The following NFYC variants were observed in gnomAD, a reference collection of about 807,000 sequenced individuals.
The protein encoded by NFYC is nuclear transcription factor Y subunit gamma.
A neutral mutation model predicts 53.1 loss-of-function variants in NFYC; 25 were observed. That is an observed-to-expected ratio of 0.47 (90% CI 0.34 to 0.66). NFYC has a LOEUF of 0.66. Ranked by LOEUF, NFYC falls within the 30% of genes least tolerant of loss-of-function variation. The pLI is 0.01. For synonymous variants in NFYC, 145 were observed against 152.6 expected (o/e 0.95, Z 0.37); for missense variants, 260 against 422.7 (o/e 0.62, Z 3.38).
chr1:40,735,968 G>A (rs901865331), intron 1 of NFYC, among the ~76,000 whole-genome samples: 22 of 152,286 alleles, frequency 1.4e-4, no homozygotes, highest in African/African-American at 5.1e-4. Flanking sequence ...TATAGGCCAT[G>A]TGTATGTGGT....
chr1:40,698,037 T>C (rs972763948), intron 1 of NFYC, among the ~76,000 whole-genome samples: 1 of 152,216 alleles, frequency 6.6e-6, no homozygotes, highest in Non-Finnish European at 1.5e-5. Flanking sequence ...TTTGAATGTT[T>C]CCAGTAGAAT....
intron 1 of NFYC, among the ~76,000 whole-genome samples, chr1:40,733,566 T>G (rs1295803587): frequency 6.6e-6 from 1 of 151,514 alleles, no homozygotes; most frequent in East Asian, 2.0e-4. Context: ...TTCTTGTATT[T>G]TTTATTATTA....
In NFYC at chr1:40,706,408, T is replaced by C. The variant is rs143910360; in HGVS notation, c.-9+14541T>C. On this transcript the variant is annotated intron_variant, in intron 1 of 9. Transcript: ENST00000447388. ...TGAGTGGAATGTAGAGAAGTTAATA[T>C]GGCAGAGTGATAGGGCAGACCACCT... Among the ~76,000 whole-genome samples, 325 of 152,246 alleles carry C rather than the reference T, an allele frequency of 2.1e-3. 1 individual carries two copies. Among genetic ancestry groups the C allele is most frequent in the Admixed American group, 5.6e-3 (86 of 15,286 alleles).
chr1:40,753,823 G>C (rs953304026), intron 5 of NFYC, among the ~76,000 whole-genome samples: 1 of 152,152 alleles, frequency 6.6e-6, no homozygotes, highest in Non-Finnish European at 1.5e-5. Flanking sequence ...TGCTTTTAAT[G>C]TGCAGTCAGA....
At chr1:40,704,176 G>T (rs926494966) in intron 1 of NFYC, among the ~76,000 whole-genome samples, 2 of 151,632 alleles carry the variant, frequency 1.3e-5, no homozygotes, top group Non-Finnish European at 2.9e-5. Context: ...GGTTCAAGCA[G>T]TTCCCCTGCT....
intron 2 of NFYC, among the ~76,000 whole-genome samples, chr1:40,739,302 A>G (rs963898708): frequency 6.6e-6 from 1 of 152,214 alleles, no homozygotes; most frequent in Non-Finnish European, 1.5e-5. Flanking sequence ...TGGCCCTACG[A>G]CATTTCTAGA....
At chr1:40,710,603 C>G (rs1570360195) in intron 1 of NFYC, among the ~76,000 whole-genome samples, 1 of 152,290 alleles carries the variant, frequency 6.6e-6, no homozygotes, top group East Asian at 1.9e-4. Flanking sequence ...TGGAACATTT[C>G]TGCAGCAGAC....
intron 3 of NFYC, among the ~76,000 whole-genome samples, chr1:40,748,289 G>A (rs551042248): frequency 6.6e-6 from 1 of 151,910 alleles, no homozygotes; most frequent in Admixed American, 6.6e-5. Flanking sequence ...GTGCCATCAT[G>A]TCTGGCTTAA....
chr1:40,737,127 CAAAAAAAAAAA>C (rs1161900883), intron 1 of NFYC, among the ~76,000 whole-genome samples: 1 of 88,808 alleles, frequency 1.1e-5, no homozygotes, highest in South Asian at 3.9e-4. Context: ...AACTCTGTCT[CAAAAAAAAAAA>C]AAAAAAAAAA....
intron 1 of NFYC, among the ~76,000 whole-genome samples, chr1:40,737,927 G>C (rs928812243): frequency 1.4e-5 from 2 of 144,516 alleles, no homozygotes; most frequent in African/African-American, 2.6e-5. Context: ...TTTTGAGACG[G>C]AGTCTCGCTC....
intron 1 of NFYC, among the ~76,000 whole-genome samples, chr1:40,706,457 G>A (rs1643696556): frequency 6.6e-6 from 1 of 152,200 alleles, no homozygotes; most frequent in East Asian, 1.9e-4. Context: ...GGTCCCTGCT[G>A]AATCTCTGCA....
intron 2 of NFYC, 138 bp from the exon 3 acceptor site, chr1:40,747,396 C>T: frequency 1.7e-6 from 1 of 574,384 alleles, no homozygotes. Flanking sequence ...GTATTTTCTT[C>T]ATTTCATCTG....
intron 1 of NFYC, among the ~76,000 whole-genome samples, chr1:40,699,415 AGAG>A (rs1643322946): frequency 6.6e-6 from 1 of 152,170 alleles, no homozygotes; most frequent in Admixed American, 6.5e-5. Flanking sequence ...TCCTTTTAAA[AGAG>A]AAGAGAGAAG....
At chr1:40,715,391 A>C (rs995838857) in intron 1 of NFYC, among the ~76,000 whole-genome samples, 1 of 151,936 alleles carries the variant, frequency 6.6e-6, no homozygotes, top group African/African-American at 2.4e-5. Flanking sequence ...TCAAGAAAAA[A>C]AAACAAAAAA....
intron 1 of NFYC, chr1:40,695,892 T>C (rs1227391932): frequency 6.6e-6 from 1 of 152,236 alleles, no homozygotes; most frequent in Non-Finnish European, 1.5e-5. Context: ...TGTATATTTA[T>C]TCTCATACAC....
At chr1:40,699,713 A>C (rs1218181063) in intron 1 of NFYC, among the ~76,000 whole-genome samples, 1 of 152,240 alleles carries the variant, frequency 6.6e-6, no homozygotes, top group Non-Finnish European at 1.5e-5. Flanking sequence ...GGTTATCAGA[A>C]TACAGTTGCC....
At position 40,738,626 on chromosome 1, in the gene NFYC, G is replaced by A. The variant is rs1415893526; in HGVS notation, c.-8-210G>A. Among the ~76,000 whole-genome samples the A allele has an allele frequency of 2.0e-5, 3 of 152,232 alleles. No homozygotes were observed. In the East Asian group the frequency reaches 5.8e-4, roughly 29 times the overall value. On this transcript the variant is annotated intron_variant, in intron 1 of 9. Coordinates refer to ENST00000447388, the MANE Select transcript of NFYC (RefSeq NM_014223.5). Reference sequence around the variant, plus strand: ...GTTGGAGGTCTTCAGTAGTCTCTATGGTATAAGCTAGATAGAAGGAAAAAC... The same window carrying A: ...GTTGGAGGTCTTCAGTAGTCTCTATAGTATAAGCTAGATAGAAGGAAAAAC...
intron 1 of NFYC, among the ~76,000 whole-genome samples, chr1:40,696,024 G>GTTTTTTTTTT: frequency 7.3e-6 from 1 of 136,680 alleles, no homozygotes. Flanking sequence ...TTGTAATTCT[G>GTTTTTTTTTT]TTTTTTTTTT....
intron 1 of NFYC, among the ~76,000 whole-genome samples, chr1:40,713,137 G>A (rs1200042363): frequency 6.6e-6 from 1 of 152,186 alleles, no homozygotes; most frequent in East Asian, 1.9e-4. Flanking sequence ...ACTCATGGGG[G>A]TTTCTTTTAA....
Sources: gnomAD v4.1 joint callset for allele counts (sites outside exome capture counted in the v4.1 genomes callset) on GRCh38, gnomAD v4.1.1 for gene constraint, MANE v1.5 for transcripts, NCBI Gene and HGNC (gene_info 2026-07-23, HGNC 2026-07-21) for gene names.